ACOX1: variants seen among roughly 807,000 people sequenced by gnomAD.
The protein encoded by ACOX1 is acyl-CoA oxidase 1, also known as peroxisomal acyl-coenzyme A oxidase 1.
Under a neutral mutation model 75.5 loss-of-function variants are expected in ACOX1, and 41 were observed. That is an observed-to-expected ratio of 0.54 (90% CI 0.42 to 0.70). The LOEUF is 0.70. Ranked by LOEUF, ACOX1 falls within the 30% of genes least tolerant of loss-of-function variation. The pLI, the probability that ACOX1 is intolerant of heterozygous loss-of-function variation, is 0.00. For missense variants in ACOX1, 630 were observed against 837.5 expected (o/e 0.75, Z 3.06); for synonymous variants, 303 against 298.8 (o/e 1.01, Z -0.15).
chr17:75,954,445 C>A, intron 6 of ACOX1, among the ~76,000 whole-genome samples: 1 of 147,082 alleles, frequency 6.8e-6, no homozygotes, highest in East Asian at 2.1e-4. Flanking sequence ...ATCGCTTGAA[C>A]CCAGGAGGCG....
rs199714176 is a variant in ACOX1, at chr17:75,967,778, T to TC, written c.270-7404dup. Among the ~76,000 whole-genome samples the TC allele has an allele frequency of 2.8e-5, 4 of 141,198 alleles. 1 individual carries two copies. The highest frequency in any genetic ancestry group is 6.4e-5 in the Non-Finnish European group (4 of 62,554). The allele number at this position is 141,198 out of a possible 152,430, so 92.6% of individuals were successfully genotyped here. Reference sequence around the variant, plus strand: ...TTTTTTGAGACAGCATGTCACTCTGTCACCCAGGCTGGAGTGCAGTGGCAC... The same window carrying TC: ...TTTTTTGAGACAGCATGTCACTCTGTCCACCCAGGCTGGAGTGCAGTGGCAC... On this transcript the variant is annotated intron_variant, in intron 2 of 13. Transcript: ENST00000293217.
Position 75,978,593 on chromosome 17 carries a change from C to T in ACOX1, c.210G>A (p.Met70Ile), listed in dbSNP as rs768188509. The T allele has an allele frequency of 1.2e-6, 2 of 1,614,074 alleles. No homozygotes were observed. Among genetic ancestry groups the T allele is most frequent in the African/African-American group, 1.3e-5 (1 of 74,910 alleles). The change falls in exon 2 of 14, where the codon ATG (methionine) becomes ATA (isoleucine). Residue 70 changes from methionine to isoleucine, a missense_variant. By Grantham distance (10) the Met-to-Ile change is conservative. Transcript: ENST00000293217. The surrounding 1 kb of genome is among the most constrained non-coding windows in gnomAD (Gnocchi z 4.2). ...YEVAVRKSAI[M>I]VKKMREFGIA... ...TGCCAAACTCCCTCATCTTCTTCAC[C>T]ATGATGGCACTTTTCCTGACAGCCA... is the stretch of plus-strand genomic sequence containing the variant.
intron 3 of ACOX1, 49 bp from the exon 4 acceptor site, chr17:75,957,615 T>C (rs367551270): frequency 1.5e-5 from 22 of 1,474,232 alleles, no homozygotes; most frequent in Middle Eastern, 1.7e-4. Context: ...GGGAAAAAAA[T>C]AGGCACAAGG....
rs2065817419 is a variant in ACOX1 at position 75,955,641 on chromosome 17, A to C, written c.699T>G (p.Asp233Glu). The C allele has an allele frequency of 6.2e-7, 1 of 1,614,100 alleles. No homozygotes were observed. The highest frequency in any genetic ancestry group is 1.7e-5 in the Admixed American group (1 of 59,994). ...TTTTGAGGTAGCCATTGTCTATCTC[A>C]TCATAACCAAATTTGGGGCCGATGT... ...VGDIGPKFGY[D>E]EIDNGYLKMD... The change falls in exon 6 of 14, where the codon GAT becomes GAG. Residue 233 changes from aspartate (D) to glutamate (E), a missense_variant. Asp to Glu is a conservative substitution (Grantham distance 45, BLOSUM62 2). Coordinates refer to ENST00000293217, the MANE Select transcript of ACOX1 (RefSeq NM_004035.7).
At chr17:75,974,842 C>A (rs986533739) in intron 2 of ACOX1, among the ~76,000 whole-genome samples, 3 of 151,766 alleles carry the variant, frequency 2.0e-5, no homozygotes, top group East Asian at 2.0e-4. Flanking sequence ...ACCATCAGAT[C>A]GAGACCATCC....
Position 75,978,717 on chromosome 17 carries a change from A to G in ACOX1, c.110-24T>C. 1.2e-6 allele frequency: 2 copies of G among 1,612,780 alleles called. No homozygotes were observed. The highest frequency in any genetic ancestry group is 2.2e-5 in the South Asian group (2 of 91,028). Reference sequence around the variant, plus strand: ...CTCTGAAAGGGGGTTAAAGGGCATTAAAAGGCAGACAGACACTCGGGCCTC... The same window carrying G: ...CTCTGAAAGGGGGTTAAAGGGCATTGAAAGGCAGACAGACACTCGGGCCTC... On this transcript the variant is annotated intron_variant, in intron 1 of 13. Coordinates refer to ENST00000293217, the MANE Select transcript of ACOX1 (RefSeq NM_004035.7). This position sits in a 1 kb window ranked among gnomAD's most constrained non-coding sequence, Gnocchi z 4.2.
intron 2 of ACOX1, among the ~76,000 whole-genome samples, chr17:75,961,292 CAAAAAA>C (rs34895245): frequency 9.1e-5 from 6 of 65,750 alleles, no homozygotes; most frequent in Non-Finnish European, 1.9e-4. Context: ...GACTCCATCT[CAAAAAA>C]AAAAAAAAAA....
Position 75,960,660 on chromosome 17 carries a change from C to T in ACOX1, c.270-285G>A, listed in dbSNP as rs2065878394. Among the ~76,000 whole-genome samples the T allele has an allele frequency of 6.6e-6, 1 of 152,140 alleles. No individual in the cohort carries two copies. Among genetic ancestry groups the T allele is most frequent in the African/African-American group, 2.4e-5 (1 of 41,416 alleles). On this transcript the variant is annotated intron_variant, in intron 2 of 13. Transcript: ENST00000293217. The surrounding 1 kb of genome is among the most constrained non-coding windows in gnomAD (Gnocchi z 4.4). ...ACGTGCAAGGCAGAGGATCCTCGCC[C>T]AGGAATTAAATCAAAGGAAATAAAG...
chr17:75,964,576 C>T (rs961872450), intron 2 of ACOX1, among the ~76,000 whole-genome samples: 2 of 152,054 alleles, frequency 1.3e-5, no homozygotes, highest in Non-Finnish European at 2.9e-5. Context: ...ATGGTTCTGA[C>T]ACTAAAGAAT....
At chr17:75,959,367 T>G (rs1462588313) in intron 3 of ACOX1, among the ~76,000 whole-genome samples, 1 of 152,156 alleles carries the variant, frequency 6.6e-6, no homozygotes, top group Non-Finnish European at 1.5e-5. Flanking sequence ...CAAATAGTAT[T>G]CCACTTGGAG....
At chr17:75,947,571 G>C (rs1379436293) in intron 13 of ACOX1, among the ~76,000 whole-genome samples, 1 of 152,150 alleles carries the variant, frequency 6.6e-6, no homozygotes, top group Non-Finnish European at 1.5e-5. Flanking sequence ...CCCAGGAGGA[G>C]GGGGATGAAG....
At chr17:75,949,186 C>CA in intron 12 of ACOX1, 31 bp downstream of exon 12, 4 of 1,613,588 alleles carry the variant, frequency 2.5e-6, no homozygotes, top group Non-Finnish European at 3.4e-6. Flanking sequence ...AAAACAACAA[C>CA]AAAAAAGACT....
At chr17:75,968,837 G>A (rs186985725) in intron 2 of ACOX1, among the ~76,000 whole-genome samples, 5 of 150,942 alleles carry the variant, frequency 3.3e-5, no homozygotes, top group African/African-American at 9.7e-5. Context: ...GAGGAGAATC[G>A]CTTGAATGCG....
At position 75,960,496 on chromosome 17, in the gene ACOX1, C is replaced by T. The variant is rs1379479113; in HGVS notation, c.270-121G>A. On this transcript the variant is annotated intron_variant, in intron 2 of 13. Transcript: ENST00000293217. The surrounding 1 kb of genome is among the most constrained non-coding windows in gnomAD (Gnocchi z 4.4). ...ACCTTAAGTATGAATTAGTTGCGTGCACTTAATCATAGATGGGAGCACTGT... is the reference window on the plus strand; with the variant it reads ...ACCTTAAGTATGAATTAGTTGCGTGTACTTAATCATAGATGGGAGCACTGT... The T allele has an allele frequency of 3.1e-5, 30 of 969,092 alleles. No homozygotes were observed. Among genetic ancestry groups the T allele is most frequent in the Non-Finnish European group, 4.6e-5 (29 of 629,130 alleles). 60.0% of individuals were successfully genotyped at this position (969,092 alleles called of 1,614,324 possible). A position where few individuals can be genotyped will look rare whatever the true frequency, so the allele number is the denominator to read the frequency against.
chr17:75,953,763 G>T lies in ACOX1; in HGVS notation c.775-143C>A, dbSNP rs1002916354. 4.2e-5 allele frequency: 42 copies of T among 992,380 alleles called. 1 individual carries two copies. The Admixed American group carries it at 8.2e-4, about 19-fold the overall frequency. The allele number at this position is 992,380 out of a possible 1,614,324, so 61.5% of individuals were successfully genotyped here. ...AATACTACATCTTAGTCCCCACCCT[G>T]ACCAACTGAATCAGAAACTCCAGGG... On this transcript the variant is annotated intron_variant, in intron 6 of 13. Coordinates refer to ENST00000293217, the MANE Select transcript of ACOX1 (RefSeq NM_004035.7).
chr17:75,955,420 C>T, intron 6 of ACOX1, 146 bp downstream of exon 6: 1 of 742,620 alleles, frequency 1.3e-6, no homozygotes, highest in Non-Finnish European at 2.4e-6. Context: ...CACTCAGCCT[C>T]CCAAAGTGCT....
At chr17:75,977,291 C>T (rs903005663) in intron 2 of ACOX1, among the ~76,000 whole-genome samples, 3 of 151,874 alleles carry the variant, frequency 2.0e-5, no homozygotes, top group East Asian at 3.9e-4. Flanking sequence ...CCACTGTGCC[C>T]GGCCCGAAGT....
At chr17:75,954,534 A>AAAAGG (rs1555617027) in intron 6 of ACOX1, among the ~76,000 whole-genome samples, 1 of 142,620 alleles carries the variant, frequency 7.0e-6, no homozygotes, top group African/African-American at 2.7e-5. Context: ...AAAAAAAAAA[A>AAAAGG]GGGGCATCAG....
At chr17:75,946,817 G>C (rs766512409) in intron 13 of ACOX1, 22 bp from the exon 14 acceptor site, 5 of 1,609,878 alleles carry the variant, frequency 3.1e-6, no homozygotes, top group Non-Finnish European at 2.6e-6. Flanking sequence ...GGAGAGAGAA[G>C]AACTACTAAT....
Sources: allele counts gnomAD v4.1 joint callset (sites outside exome capture counted in the v4.1 genomes callset), GRCh38; gene constraint gnomAD v4.1.1; non-coding constraint Gnocchi (gnomAD v3.1); transcripts MANE v1.5; gene names NCBI Gene and HGNC (gene_info 2026-07-23, HGNC 2026-07-21).